Variants in CSMD1 observed in about 807,000 individuals in gnomAD.
CSMD1 encodes CUB and Sushi multiple domains 1, also known as CUB and sushi domain-containing protein 1.
CSMD1 carries 213 observed loss-of-function variants against 417.5 expected under a neutral mutation model. The ratio of observed to expected loss-of-function variants is 0.51; its 90% CI spans 0.46 to 0.57. The LOEUF is 0.57. Among genes scored for constraint, CSMD1 ranks in the 20% least tolerant of loss-of-function variants. CSMD1 has a pLI of 0.00. For missense variants in CSMD1, 6,923 were observed against 4,529.7 expected (o/e 1.53, Z -15.17); for synonymous variants, 2,862 against 1,736.8 (o/e 1.65, Z -16.11).
At chr8:2,948,018 G>A (rs1261676437) in intron 68 of CSMD1, among the ~76,000 whole-genome samples, 1 of 151,250 alleles carries the variant, frequency 6.6e-6, no homozygotes, top group East Asian at 1.9e-4. Flanking sequence ...TTCATCAGTG[G>A]TAATCATTAC....
intron 7 of CSMD1, among the ~76,000 whole-genome samples, chr8:3,706,188 C>A (rs559987446): frequency 7.9e-5 from 12 of 152,254 alleles, no homozygotes; most frequent in African/African-American, 2.9e-4. Flanking sequence ...GCATGCCACA[C>A]TCTGCAACAG....
chr8:4,232,769 C>G (rs1270091179), intron 3 of CSMD1, among the ~76,000 whole-genome samples: 3 of 152,258 alleles, frequency 2.0e-5, no homozygotes, highest in Admixed American at 6.5e-5. Flanking sequence ...GGTTAAAACC[C>G]TAATTGACGT....
chr8:4,498,084 A>G (rs1802067503), intron 2 of CSMD1, among the ~76,000 whole-genome samples: 1 of 152,128 alleles, frequency 6.6e-6, no homozygotes, highest in African/African-American at 2.4e-5. Flanking sequence ...TTATACATCT[A>G]TTTTAGTCCT....
intron 41 of CSMD1, among the ~76,000 whole-genome samples, chr8:3,137,707 G>A (rs1010729179): frequency 6.6e-6 from 1 of 152,120 alleles, no homozygotes; most frequent in Admixed American, 6.5e-5. Flanking sequence ...GTAAATAGTT[G>A]TTATTCTGTA....
chr8:3,014,608 C>T (rs1031691057), intron 52 of CSMD1, among the ~76,000 whole-genome samples: 1 of 152,128 alleles, frequency 6.6e-6, no homozygotes, highest in African/African-American at 2.4e-5. Context: ...TTATAAGCTC[C>T]TTATCTTTGG....
chr8:4,906,852 C>T (rs12675388), intron 1 of CSMD1, among the ~76,000 whole-genome samples: 123,035 of 152,214 alleles, frequency 0.81, 49,828 homozygotes, highest in Admixed American at 0.84. Flanking sequence ...GCCGCTGCCC[C>T]CGGCCTTGAG....
intron 2 of CSMD1, among the ~76,000 whole-genome samples, chr8:4,526,565 G>A (rs185824394): frequency 6.6e-6 from 1 of 152,296 alleles, no homozygotes; most frequent in African/African-American, 2.4e-5. Context: ...TATTACGAAG[G>A]TAGCTGACAC....
chr8:4,094,085 G>C (rs967542575), intron 3 of CSMD1, among the ~76,000 whole-genome samples: 3 of 152,172 alleles, frequency 2.0e-5, no homozygotes, highest in East Asian at 1.9e-4. Context: ...AAGTGACGCT[G>C]TGTGGATGGA....
chr8:4,350,326 C>G (rs1275917522), intron 3 of CSMD1, among the ~76,000 whole-genome samples: 1 of 152,140 alleles, frequency 6.6e-6, no homozygotes. Flanking sequence ...GGCTGACACA[C>G]CTGAGGGGCA....
intron 6 of CSMD1, among the ~76,000 whole-genome samples, chr8:3,717,472 G>A (rs569527213): frequency 6.6e-6 from 1 of 152,048 alleles, no homozygotes; most frequent in Non-Finnish European, 1.5e-5. Flanking sequence ...TGAAGATATT[G>A]TTGTAGGACG....
chr8:3,741,756 T>C (rs991317545), intron 6 of CSMD1, among the ~76,000 whole-genome samples: 5 of 152,106 alleles, frequency 3.3e-5, no homozygotes, highest in Non-Finnish European at 5.9e-5. Context: ...CCAGTGGTGG[T>C]TGAATTTATT....
intron 14 of CSMD1, among the ~76,000 whole-genome samples, chr8:3,407,084 A>C (rs987272234): frequency 2.0e-5 from 3 of 152,158 alleles, no homozygotes; most frequent in Middle Eastern, 3.4e-3. Context: ...GATGGAAAGA[A>C]AGATGAATGG....
intron 2 of CSMD1, among the ~76,000 whole-genome samples, chr8:4,423,744 AT>A (rs1797388086): frequency 6.6e-6 from 1 of 152,006 alleles, no homozygotes; most frequent in Non-Finnish European, 1.5e-5. Context: ...ACAAAAAAAA[AT>A]AGAATAGCTC....
chr8:4,452,949 G>A (rs1055793372), intron 2 of CSMD1, among the ~76,000 whole-genome samples: 2 of 152,110 alleles, frequency 1.3e-5, no homozygotes, highest in African/African-American at 4.8e-5. Context: ...AAATAGCGTT[G>A]ATTTTTCAAT....
chr8:2,966,144 A>G (rs1803933102), intron 58 of CSMD1, among the ~76,000 whole-genome samples, 190 bp from the exon 59 acceptor site: 1 of 152,206 alleles, frequency 6.6e-6, no homozygotes, highest in Non-Finnish European at 1.5e-5. Flanking sequence ...TTGTATTTTG[A>G]GAATCACTGA....
chr8:3,559,313 T>A (rs1391438338), intron 10 of CSMD1, among the ~76,000 whole-genome samples: 1 of 152,286 alleles, frequency 6.6e-6, no homozygotes, highest in Admixed American at 6.5e-5. Context: ...GGAATGATTG[T>A]TTGTGATTTC....
At chr8:3,502,687 A>C (rs1796656725) in intron 10 of CSMD1, among the ~76,000 whole-genome samples, 1 of 152,214 alleles carries the variant, frequency 6.6e-6, no homozygotes, top group Non-Finnish European at 1.5e-5. Context: ...TAAAAAGATT[A>C]GTGATTGTTA....
chr8:3,757,909 C>T (rs1221755040), intron 5 of CSMD1, among the ~76,000 whole-genome samples: 3 of 151,956 alleles, frequency 2.0e-5, no homozygotes, highest in African/African-American at 7.3e-5. Flanking sequence ...GGAAGATAAA[C>T]AGATGATGCA....
intron 5 of CSMD1, among the ~76,000 whole-genome samples, chr8:3,768,328 A>G (rs1026717782): frequency 2.6e-5 from 4 of 152,194 alleles, no homozygotes; most frequent in Admixed American, 2.6e-4. Flanking sequence ...AATCCAACCT[A>G]ACTGTGGAAG....
Sources: allele counts gnomAD v4.1 joint callset (sites outside exome capture counted in the v4.1 genomes callset), GRCh38; gene constraint gnomAD v4.1.1; transcripts MANE v1.5; gene names NCBI Gene and HGNC (gene_info 2026-07-23, HGNC 2026-07-21).